The following PCDHGA2 variants were observed in gnomAD, a reference collection of about 807,000 sequenced individuals.
PCDHGA2 encodes the protein protocadherin gamma subfamily A, 2, also known as protocadherin gamma-A2.
A neutral mutation model predicts 59.2 loss-of-function variants in PCDHGA2; 40 were observed. That is an observed-to-expected ratio of 0.68 (90% CI 0.52 to 0.88). The LOEUF is 0.88. PCDHGA2 is among the 40% of genes least tolerant of loss of function. The pLI, the probability that PCDHGA2 is intolerant of heterozygous loss-of-function variation, is 0.00. For missense variants in PCDHGA2, 1,226 were observed against 1,204.0 expected, an observed-to-expected ratio of 1.02 and a Z score of -0.27; for synonymous variants, 560 against 526.0, an observed-to-expected ratio of 1.06 and a Z score of -0.89.
chr5:141,366,150 G>T, intron 1 of PCDHGA2: 4 of 1,614,136 alleles, frequency 2.5e-6, no homozygotes, highest in Non-Finnish European at 3.4e-6. Flanking sequence ...CTGTCCTACC[G>T]CCTGCTTAAG....
intron 3 of PCDHGA2, among the ~76,000 whole-genome samples, chr5:141,506,861 G>A (rs2099856791): frequency 6.6e-6 from 1 of 152,178 alleles, no homozygotes; most frequent in African/African-American, 2.4e-5. Context: ...TGGAGGACTG[G>A]TGGGTAGAGA....
At chr5:141,467,901 C>T (rs1484485803) in intron 1 of PCDHGA2, among the ~76,000 whole-genome samples, 7 of 152,034 alleles carry the variant, frequency 4.6e-5, no homozygotes, top group Admixed American at 1.3e-4. Flanking sequence ...TCAAGAAATC[C>T]GCCCACCTCA....
At chr5:141,482,442 C>A (rs942933015) in intron 1 of PCDHGA2, among the ~76,000 whole-genome samples, 23 of 147,678 alleles carry the variant, frequency 1.6e-4, no homozygotes, top group African/African-American at 5.6e-4. Context: ...CTGATATTCA[C>A]CATTTATTAG....
Position 141,422,144 on chromosome 5 carries a change from G to A in PCDHGA2, c.2425-72663G>A, listed in dbSNP as rs748208921. On this transcript the variant is annotated intron_variant, in intron 1 of 3. Transcript: ENST00000394576. Reference sequence around the variant, plus strand: ...CAAACTGGAGAAGTTCAAGTACGGGGGTCTCTGGATTTTGAAAAATATAGA... The same window carrying A: ...CAAACTGGAGAAGTTCAAGTACGGGAGTCTCTGGATTTTGAAAAATATAGA... 1.9e-6 allele frequency: 3 copies of A among 1,583,402 alleles called. No individual in the cohort carries two copies. In the African/African-American group the frequency reaches 4.1e-5, roughly 22 times the overall value.
intron 1 of PCDHGA2, chr5:141,388,653 C>T (rs1315025499): frequency 6.2e-7 from 1 of 1,613,728 alleles, no homozygotes; most frequent in Non-Finnish European, 8.5e-7. Context: ...AAACGTGTAC[C>T]CGGGGACCAC....
chr5:141,420,042 A>T, intron 1 of PCDHGA2: 2 of 1,614,048 alleles, frequency 1.2e-6, no homozygotes, highest in Non-Finnish European at 8.5e-7. Context: ...GACTGCTTTG[A>T]GTCAGTTCTC....
At chr5:141,434,337 C>T (rs939910421) in intron 1 of PCDHGA2, among the ~76,000 whole-genome samples, 13 of 152,230 alleles carry the variant, frequency 8.5e-5, no homozygotes, top group African/African-American at 2.4e-4. Context: ...CTCTTTGTGT[C>T]GGGAACAGGC....
intron 1 of PCDHGA2, chr5:141,388,880 G>T: frequency 1.2e-6 from 2 of 1,613,982 alleles, no homozygotes; most frequent in Non-Finnish European, 1.7e-6. Flanking sequence ...GCACAGTGGA[G>T]GTAGAAGTCA....
intron 1 of PCDHGA2, chr5:141,428,018 C>T (rs771831423): frequency 1.9e-6 from 3 of 1,604,570 alleles, no homozygotes; most frequent in Non-Finnish European, 2.6e-6. Flanking sequence ...TAGTGCCACG[C>T]GCCGCAGAGT....
chr5:141,364,883 G>A (rs2149867469), intron 1 of PCDHGA2: 1 of 1,613,946 alleles, frequency 6.2e-7, no homozygotes, highest in East Asian at 2.2e-5. Context: ...TGTGGTAAGC[G>A]GAACTGATGG....
At chr5:141,414,564 C>G in intron 1 of PCDHGA2, 1 of 1,613,948 alleles carries the variant, frequency 6.2e-7, no homozygotes, top group East Asian at 2.2e-5. Context: ...CCTACTTTAC[C>G]TATATCCCAG....
chr5:141,433,837 C>CAAAAAA (rs56191208), intron 1 of PCDHGA2, among the ~76,000 whole-genome samples: 2 of 111,692 alleles, frequency 1.8e-5, no homozygotes, highest in Non-Finnish European at 3.9e-5. Context: ...AACTCTATCT[C>CAAAAAA]AAAAAAAAAA....
At chr5:141,454,953 G>A (rs1304192945) in intron 1 of PCDHGA2, among the ~76,000 whole-genome samples, 4 of 150,686 alleles carry the variant, frequency 2.7e-5, no homozygotes, top group Admixed American at 6.6e-5. Context: ...GACTACAGGC[G>A]CCGGCCACCA....
chr5:141,403,969 T>G (rs1437416293), intron 1 of PCDHGA2: 1 of 1,613,690 alleles, frequency 6.2e-7, no homozygotes, highest in African/African-American at 1.3e-5. Context: ...CGGTGGAAGA[T>G]GTAAATGACA....
rs762926348 is a variant in PCDHGA2, at chr5:141,408,364, A to C, written c.2424+66969A>C. ...TGGTGGGGAACCTCGCTAAGGATCTAGGGCTCAGTGTCCTGGATGTGTCGG... is the reference window on the plus strand; with the variant it reads ...TGGTGGGGAACCTCGCTAAGGATCTCGGGCTCAGTGTCCTGGATGTGTCGG... On this transcript the variant is annotated intron_variant, in intron 1 of 3. Transcript: ENST00000394576. 3.7e-6 allele frequency: 6 copies of C among 1,613,960 alleles called. No individual in the cohort carries two copies. In the East Asian group the frequency reaches 1.3e-4, roughly 36 times the overall value.
intron 1 of PCDHGA2, chr5:141,355,665 T>C: frequency 6.2e-7 from 1 of 1,614,016 alleles, no homozygotes; most frequent in Non-Finnish European, 8.5e-7. Context: ...TTCCTCTTCC[T>C]GAAGCTTTTG....
intron 1 of PCDHGA2, chr5:141,409,991 G>A: frequency 6.2e-6 from 10 of 1,613,320 alleles, no homozygotes; most frequent in Non-Finnish European, 7.6e-6. Flanking sequence ...GGTGGACGCC[G>A]ACTCGGGACA....
intron 1 of PCDHGA2, chr5:141,408,952 T>C (rs531696982): frequency 6.2e-7 from 1 of 1,613,544 alleles, no homozygotes; most frequent in African/African-American, 1.3e-5. Context: ...ATAGAATTAG[T>C]CTTAGTGAAA....
chr5:141,399,799 G>A lies in PCDHGA2; in HGVS notation c.2424+58404G>A, dbSNP rs768345936. The A allele has an allele frequency of 8.7e-6, 14 of 1,613,236 alleles. No homozygotes were observed. The South Asian group carries it at 1.5e-4, about 18-fold the overall frequency. On this transcript the variant is annotated intron_variant, in intron 1 of 3. Transcript: ENST00000394576. The stretch of plus-strand genomic sequence containing the variant: ...CGACCGAAACGACAACGCACCGCGG[G>A]TGCTGTACCCCGCGCTGGGTCCCGA...
Sources: allele counts gnomAD v4.1 joint callset (sites outside exome capture counted in the v4.1 genomes callset), GRCh38; gene constraint gnomAD v4.1.1; transcripts MANE v1.5; gene names NCBI Gene and HGNC (gene_info 2026-07-23, HGNC 2026-07-21).